DPY19L3: variants seen among roughly 807,000 people sequenced by gnomAD.
DPY19L3 encodes the protein dpy-19 like C-mannosyltransferase 3.
A neutral mutation model predicts 92.3 loss-of-function variants in DPY19L3; 51 were observed. That is an observed-to-expected ratio of 0.55 (90% CI 0.44 to 0.70). DPY19L3 has a LOEUF of 0.70. Ranked by LOEUF, DPY19L3 falls within the 30% of genes least tolerant of loss-of-function variation. The pLI is 0.00. For synonymous variants in DPY19L3, 309 were observed against 315.2 expected (o/e 0.98, Z 0.21); for missense variants, 706 against 855.9 (o/e 0.82, Z 2.18).
intron 8 of DPY19L3, among the ~76,000 whole-genome samples, chr19:32,445,238 G>C (rs1969452686): frequency 6.6e-6 from 1 of 151,410 alleles, no homozygotes; most frequent in African/African-American, 2.4e-5. Context: ...TCAGGAGATA[G>C]AGACCATCCT....
intron 8 of DPY19L3, among the ~76,000 whole-genome samples, chr19:32,441,622 C>T (rs1969328055): frequency 1.3e-5 from 2 of 151,850 alleles, no homozygotes; most frequent in Non-Finnish European, 2.9e-5. Context: ...CTCAGCCTCC[C>T]AAGTAGCTGG....
intron 16 of DPY19L3, among the ~76,000 whole-genome samples, chr19:32,475,152 T>C (rs1474526792): frequency 2.0e-5 from 3 of 152,224 alleles, no homozygotes; most frequent in Non-Finnish European, 1.5e-5. Flanking sequence ...TGCATGCTAC[T>C]ATAGCTTTGT....
chr19:32,415,412 G>A (rs936954336), intron 3 of DPY19L3, among the ~76,000 whole-genome samples: 1 of 152,198 alleles, frequency 6.6e-6, no homozygotes, highest in Non-Finnish European at 1.5e-5. Context: ...AGAGCCTGGT[G>A]TGTGAAGCGT....
intron 3 of DPY19L3, among the ~76,000 whole-genome samples, chr19:32,419,886 G>T (rs113568066): frequency 0.19 from 26,430 of 137,734 alleles, 2,618 homozygotes; most frequent in African/African-American, 0.25. Context: ...TTGAGACGGA[G>T]CCTTGCTGTG....
At chr19:32,468,881 G>A (rs1036531715) in intron 16 of DPY19L3, 68 bp downstream of exon 16, 29 of 1,452,188 alleles carry the variant, frequency 2.0e-5, no homozygotes, top group African/African-American at 1.9e-4. Context: ...ACCACATTTC[G>A]TTTTGGGGGT....
At chr19:32,438,406 A>G (rs771628501) in intron 6 of DPY19L3, among the ~76,000 whole-genome samples, 4 of 152,184 alleles carry the variant, frequency 2.6e-5, no homozygotes, top group Non-Finnish European at 5.9e-5. Flanking sequence ...CATTTTGTAT[A>G]TAGATACAGA....
At position 32,484,322 on chromosome 19, in the gene DPY19L3, G is replaced by T. The variant is rs997319341; in HGVS notation, c.*2082G>T. ...ATCATGTTATTAATAAATATTTTTA[G>T]CACTCATCAGTATTCTCCAATGTGA... is the stretch of plus-strand genomic sequence containing the variant. On this transcript the variant is annotated 3_prime_UTR_variant, in exon 19 of 19. Transcript: ENST00000392250. The T allele has an allele frequency of 3.3e-5, 5 of 152,346 alleles. No individual in the cohort carries two copies. Among genetic ancestry groups the T allele is most frequent in the Non-Finnish European group, 5.9e-5 (4 of 68,020 alleles). 9.4% of individuals were successfully genotyped at this position (152,346 alleles called of 1,614,324 possible).
At chr19:32,441,494 C>CTTTTTTTTTTTTTTTTTTTTTT (rs11326098) in intron 8 of DPY19L3, among the ~76,000 whole-genome samples, 3 of 130,214 alleles carry the variant, frequency 2.3e-5, no homozygotes, top group Non-Finnish European at 3.2e-5. Context: ...ACATGTGTCT[C>CTTTTTTTTTTTTTTTTTTTTTT]TTTTTTTTTT....
At chr19:32,420,202 C>G (rs1968522599) in intron 3 of DPY19L3, among the ~76,000 whole-genome samples, 1 of 152,018 alleles carries the variant, frequency 6.6e-6, no homozygotes, top group South Asian at 2.1e-4. Flanking sequence ...CTTATGGTGC[C>G]TGGCACGTCA....
chr19:32,441,467 AT>A (rs761378268), intron 8 of DPY19L3, among the ~76,000 whole-genome samples: 3 of 146,718 alleles, frequency 2.0e-5, no homozygotes, highest in African/African-American at 7.5e-5. Flanking sequence ...AGATCTTTTG[AT>A]TTTTTCTGAT....
intron 7 of DPY19L3, 52 bp from the exon 8 acceptor site, chr19:32,439,724 G>A: frequency 1.3e-6 from 2 of 1,579,236 alleles, no homozygotes; most frequent in Non-Finnish European, 1.7e-6. Flanking sequence ...TTGTCTGCAA[G>A]GTTTTTTATT....
intron 3 of DPY19L3, chr19:32,413,254 A>C (rs371462620): frequency 1.3e-5 from 2 of 152,208 alleles, no homozygotes; most frequent in African/African-American, 4.8e-5. Flanking sequence ...TTTCCAAAGA[A>C]AGTTTTCCAA....
chr19:32,464,621 G>A (rs1307693150), intron 14 of DPY19L3, 107 bp from the exon 15 acceptor site: 2 of 622,380 alleles, frequency 3.2e-6, no homozygotes, highest in East Asian at 3.6e-5. Flanking sequence ...AAAATCACTT[G>A]AGCCCAAGAA....
At chr19:32,471,356 C>T (rs981163878) in intron 16 of DPY19L3, among the ~76,000 whole-genome samples, 1 of 152,234 alleles carries the variant, frequency 6.6e-6, no homozygotes, top group African/African-American at 2.4e-5. Flanking sequence ...AGCAGACACA[C>T]TCAAATGTCT....
chr19:32,472,312 T>A (rs188081512), intron 16 of DPY19L3, among the ~76,000 whole-genome samples: 1 of 152,132 alleles, frequency 6.6e-6, no homozygotes, highest in African/African-American at 2.4e-5. Context: ...GTTGTTAAAG[T>A]CAGGGCCCCA....
chr19:32,411,778 G>A lies in DPY19L3; in HGVS notation c.237+406G>A, dbSNP rs997759100. 8.7e-5 allele frequency: 16 copies of A among 184,096 alleles called. No homozygotes were observed. In the South Asian group the frequency reaches 9.3e-4, roughly 11 times the overall value. 11.4% of individuals were successfully genotyped at this position (184,096 alleles called of 1,614,324 possible). On this transcript the variant is annotated intron_variant, in intron 3 of 18. Coordinates refer to ENST00000392250, the MANE Select transcript of DPY19L3 (RefSeq NM_001172774.2). ...AGACGGGGTTTCAGCATATTGACCAGGCTGATCTCGAACTCCTGACCTTGT... is the reference window on the plus strand; with the variant it reads ...AGACGGGGTTTCAGCATATTGACCAAGCTGATCTCGAACTCCTGACCTTGT...
At chr19:32,469,489 C>G (rs1171059397) in intron 16 of DPY19L3, among the ~76,000 whole-genome samples, 1 of 147,998 alleles carries the variant, frequency 6.8e-6, no homozygotes, top group Non-Finnish European at 1.5e-5. Flanking sequence ...GAGCAAGACT[C>G]TCTCTAAAAA....
intron 3 of DPY19L3, among the ~76,000 whole-genome samples, chr19:32,416,980 A>G (rs531566652): frequency 1.1e-4 from 16 of 152,304 alleles, no homozygotes; most frequent in African/African-American, 3.8e-4. Context: ...TCTCCTTAGC[A>G]CAAATTAGGA....
chr19:32,444,239 A>AGCAAAGAAGTAGAAGAT (rs1969416004), intron 8 of DPY19L3, among the ~76,000 whole-genome samples: 1 of 152,160 alleles, frequency 6.6e-6, no homozygotes, highest in Non-Finnish European at 1.5e-5. Flanking sequence ...ACAAACTCTA[A>AGCAAAGAAGTAGAAGAT]GCAAAGAAGT....
Sources: allele counts gnomAD v4.1 joint callset (sites outside exome capture counted in the v4.1 genomes callset), GRCh38; gene constraint gnomAD v4.1.1; transcripts MANE v1.5; gene names NCBI Gene and HGNC (gene_info 2026-07-23, HGNC 2026-07-21).